CFAP61: variants seen among roughly 807,000 people sequenced by gnomAD.
CFAP61 encodes cilia and flagella associated protein 61, also known as cilia- and flagella-associated protein 61.
Under a neutral mutation model 135.6 loss-of-function variants are expected in CFAP61, and 107 were observed. The observed-to-expected ratio is 0.79, with a 90% CI of 0.67 to 0.93. CFAP61 has a LOEUF of 0.93. Ranked by LOEUF, CFAP61 falls within the 40% of genes least tolerant of loss-of-function variation. The probability of loss-of-function intolerance (pLI) is 0.00; values close to 1 mark genes in which losing one functional copy is unlikely to be tolerated. For synonymous variants in CFAP61, 575 were observed against 578.5 expected (o/e 0.99, Z 0.09); for missense variants, 1,507 against 1,556.2 (o/e 0.97, Z 0.53).
At chr20:20,321,212 A>C (rs186917950) in intron 25 of CFAP61, among the ~76,000 whole-genome samples, 1 of 152,196 alleles carries the variant, frequency 6.6e-6, no homozygotes, top group Admixed American at 6.5e-5. Context: ...AACTTCATTT[A>C]TCATAACAAG....
intron 26 of CFAP61, among the ~76,000 whole-genome samples, chr20:20,343,293 C>A (rs1337276174): frequency 6.6e-6 from 1 of 152,186 alleles, no homozygotes; most frequent in Non-Finnish European, 1.5e-5. Flanking sequence ...TCCTCAGTGC[C>A]CCCACTTTTC....
At chr20:20,338,049 G>A (rs533747837) in intron 25 of CFAP61, among the ~76,000 whole-genome samples, 17 of 152,120 alleles carry the variant, frequency 1.1e-4, no homozygotes, top group African/African-American at 1.7e-4. Context: ...CTGGCCTTGG[G>A]TATCTGTTTG....
At position 20,275,016 on chromosome 20, in the gene CFAP61, TC is replaced by T. The variant is rs1214805408; in HGVS notation, c.2504-2147del. ...GTGTGGGCAGAGTGGACGTCCTCAC[TC>T]CCGTGCTCATGGGCATGACCATGAC... On this transcript the variant is annotated intron_variant, in intron 21 of 26. Transcript: ENST00000245957. Among the ~76,000 whole-genome samples, 5 of 128,440 alleles carry T rather than the reference TC, an allele frequency of 3.9e-5. No homozygotes were observed. In the East Asian group the frequency reaches 8.1e-4, roughly 21 times the overall value. The allele number at this position is 128,440 out of a possible 152,430, so 84.3% of individuals were successfully genotyped here. A position where few individuals can be genotyped will look rare whatever the true frequency, so the allele number is the denominator to read the frequency against.
At chr20:20,300,578 T>C (rs2056004098) in intron 25 of CFAP61, among the ~76,000 whole-genome samples, 1 of 152,056 alleles carries the variant, frequency 6.6e-6, no homozygotes, top group African/African-American at 2.4e-5. Context: ...AGCTATACAA[T>C]GTGCTTATGG....
At chr20:20,183,433 A>G (rs761794363) in intron 13 of CFAP61, among the ~76,000 whole-genome samples, 33 of 152,138 alleles carry the variant, frequency 2.2e-4, no homozygotes, top group Non-Finnish European at 4.3e-4. Context: ...AAGTGCTGGG[A>G]TTACAGGTGT....
chr20:20,307,664 A>G (rs2056559350), intron 25 of CFAP61, among the ~76,000 whole-genome samples: 1 of 152,206 alleles, frequency 6.6e-6, no homozygotes, highest in Admixed American at 6.5e-5. Flanking sequence ...TCTTATTTTT[A>G]AAATTGTATG....
chr20:20,357,136 G>A (rs1386833079), intron 26 of CFAP61, among the ~76,000 whole-genome samples: 7 of 122,594 alleles, frequency 5.7e-5, no homozygotes, highest in African/African-American at 1.7e-4. Context: ...TAGTCACACT[G>A]AGGGGAAGTG....
chr20:20,069,807 G>A (rs756922650), intron 2 of CFAP61: 2 of 454,134 alleles, frequency 4.4e-6, no homozygotes, highest in South Asian at 1.6e-5. Flanking sequence ...TAACTGGAAA[G>A]CCCATGTCAC....
At chr20:20,210,212 C>G (rs535680140) in intron 17 of CFAP61, among the ~76,000 whole-genome samples, 5 of 152,284 alleles carry the variant, frequency 3.3e-5, no homozygotes, top group African/African-American at 7.2e-5. Context: ...GATCCTGCCC[C>G]CTTCCTTCCA....
chr20:20,250,084 G>T (rs1045415385), intron 19 of CFAP61, among the ~76,000 whole-genome samples: 1 of 152,118 alleles, frequency 6.6e-6, no homozygotes, highest in African/African-American at 2.4e-5. Context: ...CCTTTCACAG[G>T]TCCTGTAACA....
At chr20:20,354,768 T>C (rs886327754) in intron 26 of CFAP61, among the ~76,000 whole-genome samples, 1 of 134,750 alleles carries the variant, frequency 7.4e-6, no homozygotes, top group African/African-American at 2.9e-5. Flanking sequence ...GAAAGGGAGG[T>C]GGTCACGCTG....
intron 24 of CFAP61, 27 bp from the exon 25 acceptor site, chr20:20,298,154 T>A (rs752931121): frequency 2.6e-6 from 4 of 1,533,076 alleles, no homozygotes; most frequent in Non-Finnish European, 9.0e-7. Flanking sequence ...TCTAATGTTG[T>A]TTTTCTTGTC....
chr20:20,355,064 A>AAGGTGGTCACACTGTGAGAGGGG (rs2059025577), intron 26 of CFAP61, among the ~76,000 whole-genome samples: 1 of 77,766 alleles, frequency 1.3e-5, no homozygotes, highest in Non-Finnish European at 2.6e-5. Flanking sequence ...TGTGAGAGGG[A>AAGGTGGTCACACTGTGAGAGGGG]AGGTGGTCAC....
At chr20:20,249,857 T>C (rs1175198872) in intron 19 of CFAP61, among the ~76,000 whole-genome samples, 1 of 152,220 alleles carries the variant, frequency 6.6e-6, no homozygotes, top group Non-Finnish European at 1.5e-5. Flanking sequence ...GTGGATGGCT[T>C]AGAGTAGGGA....
intron 26 of CFAP61, among the ~76,000 whole-genome samples, chr20:20,348,689 CAAAAA>C (rs71198052): frequency 3.7e-5 from 2 of 53,462 alleles, no homozygotes; most frequent in African/African-American, 7.3e-5. Flanking sequence ...GACTCCGTAT[CAAAAA>C]AAAAAAAAAA....
chr20:20,091,310 G>A (rs555304468), intron 7 of CFAP61, among the ~76,000 whole-genome samples: 4 of 152,200 alleles, frequency 2.6e-5, no homozygotes, highest in Non-Finnish European at 5.9e-5. Flanking sequence ...ACAAACCAGC[G>A]TTCTGCTGGC....
rs1345985909 is a variant in CFAP61 at position 20,149,506 on chromosome 20, A to C, written c.951+6558A>C. On this transcript the variant is annotated intron_variant, in intron 9 of 26. Coordinates refer to ENST00000245957, the MANE Select transcript of CFAP61 (RefSeq NM_015585.4). The stretch of plus-strand genomic sequence containing the variant: ...GAAGCAGCAGACTGCTGCAATTGCC[A>C]CAAGACAGGCGAAAACCTGTGAATT... 2.0e-5 allele frequency among the ~76,000 whole-genome samples: 3 copies of C among 152,186 alleles called. No homozygotes were observed. In the East Asian group the frequency reaches 5.8e-4, roughly 29 times the overall value.
chr20:20,072,421 A>C (rs938253960), intron 3 of CFAP61, among the ~76,000 whole-genome samples: 5 of 152,018 alleles, frequency 3.3e-5, no homozygotes, highest in African/African-American at 1.2e-4. Flanking sequence ...GGCCTAATCC[A>C]GCAATCTTAT....
chr20:20,061,723 T>A (rs1357277741), intron 2 of CFAP61, among the ~76,000 whole-genome samples: 1 of 152,200 alleles, frequency 6.6e-6, no homozygotes, highest in Non-Finnish European at 1.5e-5. Flanking sequence ...GTGTTCCCCA[T>A]GCCTTTTTGT....
Sources: allele counts gnomAD v4.1 joint callset (sites outside exome capture counted in the v4.1 genomes callset), GRCh38; gene constraint gnomAD v4.1.1; transcripts MANE v1.5; gene names NCBI Gene and HGNC (gene_info 2026-07-23, HGNC 2026-07-21).